PTPRD: variants seen among roughly 807,000 people sequenced by gnomAD.
PTPRD encodes protein tyrosine phosphatase receptor type D.
PTPRD carries 34 observed loss-of-function variants against 214.5 expected under a neutral mutation model. The ratio of observed to expected loss-of-function variants is 0.16; its 90% CI spans 0.12 to 0.21. PTPRD has a LOEUF of 0.21. Among genes scored for constraint, PTPRD ranks in the 10% least tolerant of loss-of-function variants. The probability of loss-of-function intolerance (pLI) is 1.00; values close to 1 mark genes in which losing one functional copy is unlikely to be tolerated. For missense variants in PTPRD, 2,545 were observed against 2,398.7 expected, an observed-to-expected ratio of 1.06 and a Z score of -1.27; for synonymous variants, 1,128 against 845.7, an observed-to-expected ratio of 1.33 and a Z score of -5.79.
At chr9:9,028,860 A>G (rs528349845) in intron 10 of PTPRD, among the ~76,000 whole-genome samples, 1 of 152,022 alleles carries the variant, frequency 6.6e-6, no homozygotes, top group African/African-American at 2.4e-5. Flanking sequence ...AGAGCCTTAC[A>G]TATTATTAGT....
intron 5 of PTPRD, among the ~76,000 whole-genome samples, chr9:9,925,904 C>T (rs1222312544): frequency 1.3e-5 from 2 of 152,128 alleles, no homozygotes; most frequent in Admixed American, 6.6e-5. Flanking sequence ...TCATGGCTTA[C>T]TGTAGCTTTG....
At chr9:9,622,911 C>T (rs1007495082) in intron 7 of PTPRD, among the ~76,000 whole-genome samples, 5 of 152,076 alleles carry the variant, frequency 3.3e-5, no homozygotes, top group African/African-American at 4.8e-5. Context: ...GAGTATACAG[C>T]CTCAAGTTCT....
rs2068336976 is a variant in PTPRD, at chr9:9,397,451, C to G, written c.-205G>C. 1 of 152,360 alleles carries G rather than the reference C, an allele frequency of 6.6e-6. No individual in the cohort carries two copies. Among genetic ancestry groups the G allele is most frequent in the African/African-American group, 2.4e-5 (1 of 41,410 alleles). 9.4% of individuals were successfully genotyped at this position (152,360 alleles called of 1,614,324 possible). On this transcript the variant is annotated splice_region_variant and 5_prime_UTR_variant, in exon 9 of 46. Coordinates refer to ENST00000381196, the MANE Select transcript of PTPRD (RefSeq NM_002839.4). ...TAAGATGAGCAAAATAAACTTACCA[C>G]AGTTGTTCAGTTAATGGACAGGCAC...
intron 34 of PTPRD, 83 bp from the exon 35 acceptor site, chr9:8,436,772 G>A: frequency 9.3e-7 from 1 of 1,079,426 alleles, no homozygotes; most frequent in African/African-American, 1.6e-5. Context: ...GAATACTATA[G>A]TTAGAAATGG....
intron 5 of PTPRD, among the ~76,000 whole-genome samples, chr9:9,835,504 G>A (rs926646570): frequency 6.6e-5 from 10 of 152,140 alleles, no homozygotes; most frequent in East Asian, 1.9e-4. Flanking sequence ...TAGAGTATGC[G>A]GAAAGAAAGA....
intron 8 of PTPRD, among the ~76,000 whole-genome samples, chr9:9,495,228 A>T (rs1479379003): frequency 6.6e-6 from 1 of 151,712 alleles, no homozygotes; most frequent in African/African-American, 2.4e-5. Context: ...TGAAATTAGT[A>T]AGTCTGATGA....
chr9:9,311,679 C>A (rs1481122326), intron 9 of PTPRD, among the ~76,000 whole-genome samples: 2 of 152,138 alleles, frequency 1.3e-5, no homozygotes, highest in Non-Finnish European at 2.9e-5. Flanking sequence ...TCTCTGACAA[C>A]CAAATCGTTC....
intron 11 of PTPRD, among the ~76,000 whole-genome samples, chr9:8,863,592 A>G (rs1243496826): frequency 6.6e-6 from 1 of 152,210 alleles, no homozygotes; most frequent in Non-Finnish European, 1.5e-5. Flanking sequence ...AGTGTTTCCT[A>G]ACAAAATTGT....
intron 5 of PTPRD, chr9:9,800,425 G>C (rs778447031): frequency 1.1e-4 from 17 of 152,170 alleles, no homozygotes; most frequent in Non-Finnish European, 2.5e-4. Flanking sequence ...CATTTGGAAA[G>C]AAAAGGGACT....
At chr9:10,036,163 T>G (rs2097176775) in intron 3 of PTPRD, among the ~76,000 whole-genome samples, 1 of 152,218 alleles carries the variant, frequency 6.6e-6, no homozygotes. Context: ...ATTTAATAAT[T>G]ATTTTAATAA....
In PTPRD at chr9:8,618,664, C is replaced by T. The variant is rs374940417; in HGVS notation, c.352+14653G>A. Among the ~76,000 whole-genome samples the T allele has an allele frequency of 2.0e-5, 3 of 151,822 alleles. No individual in the cohort carries two copies. In the East Asian group the frequency reaches 5.8e-4, roughly 29 times the overall value. ...TCACCTTTTAACTTCCTGTGGTTGC[C>T]TCAAACATTTAAGAAATATCTTTAT... On this transcript the variant is annotated intron_variant, in intron 14 of 45. Transcript: ENST00000381196.
At chr9:9,572,233 T>C (rs926530367) in intron 8 of PTPRD, among the ~76,000 whole-genome samples, 32 of 151,514 alleles carry the variant, frequency 2.1e-4, no homozygotes, top group Admixed American at 1.7e-3. Flanking sequence ...GCCATTATTT[T>C]TGGTGTTTCT....
chr9:10,242,313 C>G (rs1208714042), intron 3 of PTPRD, among the ~76,000 whole-genome samples: 1 of 151,952 alleles, frequency 6.6e-6, no homozygotes, highest in African/African-American at 2.4e-5. Flanking sequence ...ATATAAATTT[C>G]ATCTGAGCAA....
At chr9:9,430,258 A>G (rs575572917) in intron 8 of PTPRD, among the ~76,000 whole-genome samples, 3 of 152,072 alleles carry the variant, frequency 2.0e-5, no homozygotes, top group Non-Finnish European at 4.4e-5. Context: ...TACACCAATA[A>G]CAGACAAACA....
intron 14 of PTPRD, among the ~76,000 whole-genome samples, chr9:8,544,548 C>T (rs1159722690): frequency 4.7e-5 from 7 of 147,774 alleles, no homozygotes; most frequent in African/African-American, 1.8e-4. Flanking sequence ...CGGTTCACTG[C>T]AACCTCCACC....
intron 12 of PTPRD, among the ~76,000 whole-genome samples, chr9:8,686,103 C>T (rs1303646230): frequency 6.6e-6 from 1 of 152,236 alleles, no homozygotes; most frequent in Non-Finnish European, 1.5e-5. Context: ...ACATCTATAA[C>T]CCTTGAACTT....
chr9:8,583,912 G>A (rs2093409731), intron 14 of PTPRD, among the ~76,000 whole-genome samples: 1 of 152,170 alleles, frequency 6.6e-6, no homozygotes, highest in Non-Finnish European at 1.5e-5. Context: ...AGCATTTTGG[G>A]AAGCCAAGGC....
chr9:8,441,165 C>T (rs1226258201), intron 34 of PTPRD, among the ~76,000 whole-genome samples: 1 of 152,120 alleles, frequency 6.6e-6, no homozygotes, highest in African/African-American at 2.4e-5. Context: ...GAGCAGGTTT[C>T]CAGGGCTGGC....
intron 7 of PTPRD, among the ~76,000 whole-genome samples, chr9:9,676,262 G>A (rs2096927312): frequency 6.6e-6 from 1 of 151,000 alleles, no homozygotes; most frequent in African/African-American, 2.4e-5. Flanking sequence ...ATCTCCTAAT[G>A]CTATCCCTCC....
Sources: allele counts gnomAD v4.1 joint callset (sites outside exome capture counted in the v4.1 genomes callset), GRCh38; gene constraint gnomAD v4.1.1; transcripts MANE v1.5; gene names NCBI Gene and HGNC (gene_info 2026-07-23, HGNC 2026-07-21).